The following TCHHL1 variants were observed in gnomAD, a reference collection of about 807,000 sequenced individuals.
TCHHL1 encodes the protein trichohyalin like 1.
Under a neutral mutation model 3.5 loss-of-function variants are expected in TCHHL1, and 1 was observed. The ratio of observed to expected loss-of-function variants is 0.29; its 90% CI spans 0.10 to 1.36. The LOEUF (loss-of-function observed/expected upper bound fraction) is 1.36, where lower values mean the gene tolerates loss of function less well. Among genes scored for constraint, TCHHL1 ranks in the 40% most tolerant of loss-of-function variants. The probability of loss-of-function intolerance (pLI) is 0.43; values close to 1 mark genes in which losing one functional copy is unlikely to be tolerated. For missense variants in TCHHL1, 1,027 were observed against 1,032.8 expected, an observed-to-expected ratio of 0.99 and a Z score of 0.08; for synonymous variants, 405 against 375.3, an observed-to-expected ratio of 1.08 and a Z score of -0.92.
chr1:152,085,688 C>T lies in TCHHL1; in HGVS notation c.1994G>A (p.Arg665Lys). ...AQESTAGDEN[R>K]KSLEIEITGA... Reference sequence around the variant, plus strand: ...TGTGATCTCTATTTCCAGGGACTTTCTATTTTCATCTCCTGCTGTGGATTC... The same window carrying T: ...TGTGATCTCTATTTCCAGGGACTTTTTATTTTCATCTCCTGCTGTGGATTC... Residue 665 changes from arginine (R) to lysine (K), a missense_variant, in exon 3 of 3, where the codon AGA becomes AAA. Arg to Lys is a conservative substitution (Grantham distance 26). This residue lies in a region of TCHHL1 where 673 missense variants were observed against 658.6 expected (regional missense o/e 1.02). Coordinates refer to ENST00000368806, the MANE Select transcript of TCHHL1 (RefSeq NM_001008536.2). 6.2e-7 allele frequency: 1 copy of T among 1,614,164 alleles called. No individual in the cohort carries two copies. Among genetic ancestry groups the T allele is most frequent in the East Asian group, 2.2e-5 (1 of 44,884 alleles).
chr1:152,085,075 A>G lies in TCHHL1; in HGVS notation c.2607T>C (p.Pro869=). The G allele has an allele frequency of 6.2e-7, 1 of 1,614,122 alleles. No individual in the cohort carries two copies. The change falls in exon 3 of 3, where the codon CCT becomes CCC. Residue 869 remains proline (P), a synonymous_variant. Transcript: ENST00000368806. ...YTRGLPLDES[P]AGAQETPAPQ... ...GAGCTGGTGTTTCCTGTGCACCAGC[A>G]GGACTCTCATCAAGTGGAAGTCCCC...
Position 152,085,050 on chromosome 1 carries a change from G to C in TCHHL1, c.2632C>G (p.Pro878Ala). The C allele has an allele frequency of 6.2e-7, 1 of 1,613,954 alleles. No homozygotes were observed. Among genetic ancestry groups the C allele is most frequent in the East Asian group, 2.2e-5 (1 of 44,862 alleles). The change falls in exon 3 of 3, where the codon CCC becomes GCC. Residue 878 changes from proline to alanine, a missense_variant. This residue lies in a region of TCHHL1 where 673 missense variants were observed against 658.6 expected (regional missense o/e 1.02). Coordinates refer to ENST00000368806, the MANE Select transcript of TCHHL1 (RefSeq NM_001008536.2). ...CCTTGCTTATCTTCCAAGGCCTGGG[G>C]AGCTGGTGTTTCCTGTGCACCAGCA... ...SPAGAQETPAPQALEDKQGHP... is the reference protein window; with the variant it reads ...SPAGAQETPAAQALEDKQGHP...
rs756384268 is a variant in TCHHL1 at position 152,086,668 on chromosome 1, C to G, written c.1014G>C (p.Lys338Asn). The G allele has an allele frequency of 6.2e-7, 1 of 1,614,194 alleles. No individual in the cohort carries two copies. The highest frequency in any genetic ancestry group is 1.3e-5 in the African/African-American group (1 of 75,044). The change falls in exon 3 of 3, where the codon AAG becomes AAC. Residue 338 changes from lysine to asparagine, a missense_variant. Lys to Asn is a moderately conservative substitution (Grantham distance 94). Transcript: ENST00000368806. ...TTTTAGCTGGTGTCTGGTCAGCATC[C>G]TTTCCTGGTTCTTGAGTGTCAAACA... is the stretch of plus-strand genomic sequence containing the variant. ...CRMFDTQEPG[K>N]DADQTPAKTK...
At chr1:152,088,583 G>C (rs942302858) in intron 1 of TCHHL1, among the ~76,000 whole-genome samples, 4 of 152,130 alleles carry the variant, frequency 2.6e-5, no homozygotes, top group Non-Finnish European at 4.4e-5. Flanking sequence ...GCGGTTAGGA[G>C]GGTATAACCT....
Position 152,086,749 on chromosome 1 carries a change from A to T in TCHHL1, c.933T>A (p.Ala311=), listed in dbSNP as rs141622858. 6 of 1,614,096 alleles carry T rather than the reference A, an allele frequency of 3.7e-6. No homozygotes were observed. Among genetic ancestry groups the T allele is most frequent in the Admixed American group, 1.7e-5 (1 of 60,002 alleles). Residue 311 remains alanine (A), a synonymous_variant, in exon 3 of 3, where the codon GCT becomes GCA. Transcript: ENST00000368806. Reference sequence around the variant, plus strand: ...TCTGTGTCTGAGATGGTGACCTGGCAGCAGCTTGTTCTGGCAGGTCAGCAT... The same window carrying T: ...TCTGTGTCTGAGATGGTGACCTGGCTGCAGCTTGTTCTGGCAGGTCAGCAT... The part of the protein sequence containing the change: ...SQHADLPEQA[A]ARSPSQTQKS...
chr1:152,084,822 C>T lies in TCHHL1; in HGVS notation c.*145G>A, dbSNP rs1307187219. 8.2e-6 allele frequency: 7 copies of T among 854,434 alleles called. No homozygotes were observed. Among genetic ancestry groups the T allele is most frequent in the Non-Finnish European group, 1.1e-5 (6 of 564,262 alleles). 52.9% of individuals were successfully genotyped at this position (854,434 alleles called of 1,614,324 possible). On this transcript the variant is annotated 3_prime_UTR_variant, in exon 3 of 3. Coordinates refer to ENST00000368806, the MANE Select transcript of TCHHL1 (RefSeq NM_001008536.2). ...GCTCAGATGTTTCTTTAGTGGTGTC[C>T]CCCACTGCTGAATATTTTATTATTT...
At position 152,087,220 on chromosome 1, in the gene TCHHL1, A is replaced by G; in HGVS notation, c.462T>C (p.Asn154=). 6.2e-7 allele frequency: 1 copy of G among 1,613,942 alleles called. No individual in the cohort carries two copies. Among genetic ancestry groups the G allele is most frequent in the Non-Finnish European group, 8.5e-7 (1 of 1,179,948 alleles). ...CTTCTCTCCATGGGTCCACTCTGTT[A>G]TTTCCAACTGCTCCACTTTCTTCAG... ...LIPEESGAVG[N]NRVDPWREAK... Residue 154 remains asparagine (N), a synonymous_variant, in exon 3 of 3, where the codon AAT becomes AAC. Transcript: ENST00000368806.
chr1:152,084,848 GT>G lies in TCHHL1; in HGVS notation c.*118del. 1 of 1,167,324 alleles carries G rather than the reference GT, an allele frequency of 8.6e-7. No homozygotes were observed. The highest frequency in any genetic ancestry group is 2.4e-5 in the East Asian group (1 of 42,296). 72.3% of individuals were successfully genotyped at this position (1,167,324 alleles called of 1,614,324 possible). On this transcript the variant is annotated 3_prime_UTR_variant, in exon 3 of 3. Coordinates refer to ENST00000368806, the MANE Select transcript of TCHHL1 (RefSeq NM_001008536.2). ...CCCACTGCTGAATATTTTATTATTT[GT>G]TTTTGTAGAAATTTAGGAAGAGAAT...
Position 152,084,730 on chromosome 1 carries a change from G to A in TCHHL1, c.*237C>T, listed in dbSNP as rs1186371182. Reference sequence around the variant, plus strand: ...GGTACATTGAGATAAACTGTCTCATGACAAAGCCCATTTTGGCATTTGGAA... The same window carrying A: ...GGTACATTGAGATAAACTGTCTCATAACAAAGCCCATTTTGGCATTTGGAA... On this transcript the variant is annotated 3_prime_UTR_variant, in exon 3 of 3. Transcript: ENST00000368806. The A allele has an allele frequency of 4.1e-6, 2 of 487,472 alleles. No homozygotes were observed. The highest frequency in any genetic ancestry group is 7.2e-6 in the Non-Finnish European group (2 of 279,142). The allele number at this position is 487,472 out of a possible 1,614,324, so 30.2% of individuals were successfully genotyped here. A position where few individuals can be genotyped will look rare whatever the true frequency, so the allele number is the denominator to read the frequency against.
intron 1 of TCHHL1, 59 bp from the exon 2 acceptor site, chr1:152,088,222 C>T (rs1200474083): frequency 2.8e-6 from 4 of 1,440,570 alleles, no homozygotes; most frequent in East Asian, 2.4e-5. Flanking sequence ...GGAGGAGATA[C>T]CAAGATTATC....
intron 2 of TCHHL1, 72 bp from the exon 3 acceptor site, chr1:152,087,615 C>T (rs1440088120): frequency 2.1e-6 from 3 of 1,447,970 alleles, no homozygotes; most frequent in African/African-American, 1.4e-5. Flanking sequence ...CCCAAGAATC[C>T]TATTTTTCTG....
In TCHHL1 at chr1:152,087,221, T is replaced by A. The variant is rs1176732409; in HGVS notation, c.461A>T (p.Asn154Ile). Reference sequence around the variant, plus strand: ...TTCTCTCCATGGGTCCACTCTGTTATTTCCAACTGCTCCACTTTCTTCAGG... The same window carrying A: ...TTCTCTCCATGGGTCCACTCTGTTAATTCCAACTGCTCCACTTTCTTCAGG... The part of the protein sequence containing the change: ...LIPEESGAVG[N>I]NRVDPWREAK... Residue 154 changes from asparagine (N) to isoleucine (I), a missense_variant, in exon 3 of 3, where the codon AAT (asparagine) becomes ATT (isoleucine). Transcript: ENST00000368806. 4 of 1,614,032 alleles carry A rather than the reference T, an allele frequency of 2.5e-6. No individual in the cohort carries two copies. The highest frequency in any genetic ancestry group is 3.4e-6 in the Non-Finnish European group (4 of 1,179,986).
rs1193705044 is a variant in TCHHL1 at position 152,085,330 on chromosome 1, T to C, written c.2352A>G (p.Arg784=). Residue 784 remains arginine, a synonymous_variant, in exon 3 of 3, where the codon AGA becomes AGG. Coordinates refer to ENST00000368806, the MANE Select transcript of TCHHL1 (RefSeq NM_001008536.2). The part of the protein sequence containing the change: ...PWSSLEKQMQ[R]DQEPCSVERG... ...TCTCCACAGAACAGGGCTCTTGGTC[T>C]CTCTGCATCTGCTTTTCAAGACTTG... 6.2e-7 allele frequency: 1 copy of C among 1,614,098 alleles called. No individual in the cohort carries two copies. Among genetic ancestry groups the C allele is most frequent in the African/African-American group, 1.3e-5 (1 of 74,934 alleles).
At chr1:152,088,278 G>T in intron 1 of TCHHL1, 115 bp from the exon 2 acceptor site, 2 of 864,758 alleles carry the variant, frequency 2.3e-6, no homozygotes, top group Admixed American at 3.5e-5. Context: ...GCTCTATTCT[G>T]TATCTTAAAA....
At position 152,086,830 on chromosome 1, in the gene TCHHL1, T is replaced by G. The variant is rs760922940; in HGVS notation, c.852A>C (p.Lys284Asn). The G allele has an allele frequency of 3.3e-5, 53 of 1,614,034 alleles. No homozygotes were observed. The South Asian group carries it at 5.7e-4, about 17-fold the overall frequency. Residue 284 changes from lysine (K) to asparagine (N), a missense_variant, in exon 3 of 3, where the codon AAA becomes AAC. By Grantham distance (94) the Lys-to-Asn change is moderately conservative. Transcript: ENST00000368806. ...GGGGTGGTTCTTGTATATTAGAGTG[T>G]TTTTCCTTTTCTGTTCTAACTTCCT... ...EDQEVRTEKE[K>N]HSNIQEPPLQ...
In TCHHL1 at chr1:152,087,313, C is replaced by T. The variant is rs1422254297; in HGVS notation, c.369G>A (p.Val123=). 3 of 1,613,976 alleles carry T rather than the reference C, an allele frequency of 1.9e-6. No individual in the cohort carries two copies. The highest frequency in any genetic ancestry group is 2.5e-6 in the Non-Finnish European group (3 of 1,180,012). The change falls in exon 3 of 3, where the codon GTG becomes GTA. Residue 123 remains valine, a synonymous_variant. Transcript: ENST00000368806. ...QATTGDGQWT[V]GTSPTQEKRM... is the part of the protein sequence containing the mutation. ...TCTTTTCTTGAGTTGGTGAAGTTCC[C>T]ACTGTCCACTGACCATCTCCGGTGG...
At position 152,086,105 on chromosome 1, in the gene TCHHL1, T is replaced by G. The variant is rs1657717122; in HGVS notation, c.1577A>C (p.Glu526Ala). 4 of 1,614,200 alleles carry G rather than the reference T, an allele frequency of 2.5e-6. No individual in the cohort carries two copies. In the South Asian group the frequency reaches 4.4e-5, roughly 18 times the overall value. The change falls in exon 3 of 3, where the codon GAG (glutamate) becomes GCG (alanine). Residue 526 changes from glutamate to alanine, a missense_variant. Transcript: ENST00000368806. Reference sequence around the variant, plus strand: ...GTCCTCCCCCTGGTAACCATCCTCCTCCTCAACTGGTTGGTCATGAGTCTT... The same window carrying G: ...GTCCTCCCCCTGGTAACCATCCTCCGCCTCAACTGGTTGGTCATGAGTCTT... The part of the protein sequence containing the change: ...VTKTHDQPVE[E>A]EDGYQGEDPE...
At position 152,088,080 on chromosome 1, in the gene TCHHL1, C is replaced by A. The variant is rs750381422; in HGVS notation, c.64G>T (p.Asp22Tyr). 33 of 1,611,150 alleles carry A rather than the reference C, an allele frequency of 2.0e-5. No homozygotes were observed. In the East Asian group the frequency reaches 7.1e-4, roughly 35 times the overall value. The change falls in exon 2 of 3, where the codon GAC (aspartate) becomes TAC (tyrosine). Residue 22 changes from aspartate (D) to tyrosine (Y), a missense_variant. Physicochemically the swap from Asp to Tyr is radical, Grantham distance 160. This residue lies in a region of TCHHL1 where 338 missense variants were observed against 335.9 expected (regional missense o/e 1.01). Transcript: ENST00000368806. ...CCAGTCAGTGTTGCCCCGTTACTGT[C>A]CTCACTGGCATATTTGTGGAATGTC... ...IETFHKYASE[D>Y]SNGATLTGRE...
At position 152,085,450 on chromosome 1, in the gene TCHHL1, T is replaced by A; in HGVS notation, c.2232A>T (p.Ser744=). The A allele has an allele frequency of 6.2e-7, 1 of 1,614,228 alleles. No homozygotes were observed. The highest frequency in any genetic ancestry group is 8.5e-7 in the Non-Finnish European group (1 of 1,180,040). Residue 744 remains serine, a synonymous_variant, in exon 3 of 3, where the codon TCA becomes TCT. Transcript: ENST00000368806. Reference sequence around the variant, plus strand: ...CTTGGGGACTTTCATCTTCCTCCTCTGATGTTACAGGTTCCTTTGTTTCAA... The same window carrying A: ...CTTGGGGACTTTCATCTTCCTCCTCAGATGTTACAGGTTCCTTTGTTTCAA... ...IQLETKEPVT[S]EEEDESPQEL...
Sources: allele counts gnomAD v4.1 joint callset (sites outside exome capture counted in the v4.1 genomes callset), GRCh38; gene constraint gnomAD v4.1.1; regional missense constraint gnomAD v4.1.1; transcripts MANE v1.5; gene names NCBI Gene and HGNC (gene_info 2026-07-23, HGNC 2026-07-21).